PPTC7: variants seen among roughly 807,000 people sequenced by gnomAD.
The protein encoded by PPTC7 is protein phosphatase targeting COQ7, also known as protein phosphatase PTC7 homolog.
In PPTC7, 6 loss-of-function variants were observed where a neutral mutation model predicts 30.8. The observed-to-expected ratio is 0.19, with a 90% CI of 0.11 to 0.38. PPTC7 has a LOEUF of 0.38. Ranked by LOEUF, PPTC7 falls within the 10% of genes least tolerant of loss-of-function variation. The pLI is 1.00. For synonymous variants in PPTC7, 163 were observed against 168.1 expected, an observed-to-expected ratio of 0.97 and a Z score of 0.23; for missense variants, 218 against 404.8, an observed-to-expected ratio of 0.54 and a Z score of 3.96.
chr12:110,558,852 C>T (rs933809275), intron 1 of PPTC7, among the ~76,000 whole-genome samples: 36 of 152,166 alleles, frequency 2.4e-4, no homozygotes, highest in Non-Finnish European at 1.2e-4. Flanking sequence ...ATGATCCGCC[C>T]GCCTCGGCCT....
chr12:110,562,286 C>CAAAAAAAAAAAAAAA (rs11319526), intron 1 of PPTC7, among the ~76,000 whole-genome samples: 1 of 34,724 alleles, frequency 2.9e-5, no homozygotes, highest in African/African-American at 1.3e-4. Context: ...GACTCCATCT[C>CAAAAAAAAAAAAAAA]AAAAAAAAAA....
Position 110,552,015 on chromosome 12 carries a change from T to C in PPTC7, c.224-47A>G, listed in dbSNP as rs761650857. The C allele has an allele frequency of 2.7e-6, 4 of 1,489,190 alleles. No homozygotes were observed. The South Asian group carries it at 4.7e-5, about 18-fold the overall frequency. 92.2% of individuals were successfully genotyped at this position (1,489,190 alleles called of 1,614,324 possible). A position where few individuals can be genotyped will look rare whatever the true frequency, so the allele number is the denominator to read the frequency against. On this transcript the variant is annotated intron_variant, in intron 1 of 5. Transcript: ENST00000354300. Reference sequence around the variant, plus strand: ...CAGTAAAAGAACAATCTTACCAACTTCTCAGGAATTCTTACCTCTGTTTTC... The same window carrying C: ...CAGTAAAAGAACAATCTTACCAACTCCTCAGGAATTCTTACCTCTGTTTTC...
chr12:110,545,641 G>T (rs2064300096), intron 3 of PPTC7, among the ~76,000 whole-genome samples: 1 of 152,228 alleles, frequency 6.6e-6, no homozygotes, highest in African/African-American at 2.4e-5. Flanking sequence ...CTGTAAGCCT[G>T]AAATAGTATT....
At chr12:110,541,480 G>GGC (rs1400208300) in intron 3 of PPTC7, among the ~76,000 whole-genome samples, 1 of 151,308 alleles carries the variant, frequency 6.6e-6, no homozygotes, top group Non-Finnish European at 1.5e-5. Context: ...GGCCAAGGCG[G>GGC]GCGGATCACC....
chr12:110,568,731 T>C (rs948075178), intron 1 of PPTC7, among the ~76,000 whole-genome samples: 10 of 152,140 alleles, frequency 6.6e-5, no homozygotes, highest in African/African-American at 9.7e-5. Flanking sequence ...AACACCAATA[T>C]CTGGTATACA....
Position 110,545,764 on chromosome 12 carries a change from A to G in PPTC7, c.602+116T>C, listed in dbSNP as rs923498644. 7.7e-5 allele frequency: 69 copies of G among 897,868 alleles called. 1 individual carries two copies. In the African/African-American group the frequency reaches 9.7e-4, roughly 13 times the overall value. 55.6% of individuals were successfully genotyped at this position (897,868 alleles called of 1,614,324 possible). A position where few individuals can be genotyped will look rare whatever the true frequency, so the allele number is the denominator to read the frequency against. ...ACTAAAAGGTCCTCTTGATGAGAACATTCTCAGTGTATTCTTTTCATGGAA... is the reference window on the plus strand; with the variant it reads ...ACTAAAAGGTCCTCTTGATGAGAACGTTCTCAGTGTATTCTTTTCATGGAA... On this transcript the variant is annotated intron_variant, in intron 3 of 5. Coordinates refer to ENST00000354300, the MANE Select transcript of PPTC7 (RefSeq NM_139283.2).
chr12:110,574,141 TAAAAA>T (rs58133391), intron 1 of PPTC7, among the ~76,000 whole-genome samples: 51 of 37,446 alleles, frequency 1.4e-3, no homozygotes, highest in African/African-American at 4.2e-3. Context: ...CCACAATAAT[TAAAAA>T]AAAAAAAAAA....
At chr12:110,544,731 G>T (rs1164120012) in intron 3 of PPTC7, among the ~76,000 whole-genome samples, 3 of 152,134 alleles carry the variant, frequency 2.0e-5, no homozygotes, top group African/African-American at 7.2e-5. Flanking sequence ...CTACTTGGGA[G>T]GCTGAGGCAG....
At chr12:110,547,253 T>TA (rs1322784438) in intron 2 of PPTC7, among the ~76,000 whole-genome samples, 1 of 152,212 alleles carries the variant, frequency 6.6e-6, no homozygotes, top group Non-Finnish European at 1.5e-5. Flanking sequence ...CATCACGTAA[T>TA]ACTCAGGAGT....
chr12:110,547,715 C>T (rs908958135), intron 2 of PPTC7, among the ~76,000 whole-genome samples: 4 of 152,114 alleles, frequency 2.6e-5, no homozygotes, highest in African/African-American at 9.7e-5. Context: ...AAATGGGCCA[C>T]GGAACCAGCC....
rs753871106 is a variant in PPTC7, at chr12:110,560,389, G to A, written c.224-8421C>T. ...TGCACTTCAGCCTGAGCGACAGAGC[G>A]AGACCCTGTCTCAAAAAATAAAAAA... is the stretch of plus-strand genomic sequence containing the variant. On this transcript the variant is annotated intron_variant, in intron 1 of 5. Coordinates refer to ENST00000354300, the MANE Select transcript of PPTC7 (RefSeq NM_139283.2). 5.3e-4 allele frequency among the ~76,000 whole-genome samples: 79 copies of A among 150,246 alleles called. 1 individual carries two copies. The highest frequency in any genetic ancestry group is 9.3e-4 in the Non-Finnish European group (63 of 67,828).
intron 1 of PPTC7, among the ~76,000 whole-genome samples, chr12:110,564,814 T>C (rs1201951872): frequency 8.5e-6 from 1 of 116,986 alleles, no homozygotes; most frequent in Non-Finnish European, 1.8e-5. Flanking sequence ...CGTATATGTA[T>C]ATGTGTATAT....
In PPTC7 at chr12:110,542,715, G is replaced by T. The variant is rs942817610; in HGVS notation, c.603-2770C>A. ...AAAAAAAAAAGAAAAAGAAACTAAA[G>T]AAACTGCTCATAAAGAAACCTTTGA... On this transcript the variant is annotated intron_variant, in intron 3 of 5. Coordinates refer to ENST00000354300, the MANE Select transcript of PPTC7 (RefSeq NM_139283.2). Among the ~76,000 whole-genome samples, 602 of 105,658 alleles carry T rather than the reference G, an allele frequency of 5.7e-3. 3 individuals carry two copies. Among genetic ancestry groups the T allele is most frequent in the African/African-American group, 0.019 (583 of 29,998 alleles). 69.3% of individuals were successfully genotyped at this position (105,658 alleles called of 152,430 possible).
intron 1 of PPTC7, among the ~76,000 whole-genome samples, chr12:110,560,865 C>T (rs1022259202): frequency 2.0e-5 from 3 of 152,200 alleles, no homozygotes; most frequent in Admixed American, 6.5e-5. Context: ...CATCAAGCCT[C>T]GCATTCCAAA....
At chr12:110,566,705 C>T (rs1415991124) in intron 1 of PPTC7, among the ~76,000 whole-genome samples, 1 of 152,156 alleles carries the variant, frequency 6.6e-6, no homozygotes, top group Non-Finnish European at 1.5e-5. Flanking sequence ...GCCAGCTCTA[C>T]AAACACTAGT....
intron 3 of PPTC7, among the ~76,000 whole-genome samples, chr12:110,540,779 C>CT (rs781591348): frequency 0.12 from 17,296 of 142,072 alleles, 1,157 homozygotes; most frequent in African/African-American, 0.19. Flanking sequence ...ACATGCCAAT[C>CT]TTTTTTTTTT....
chr12:110,549,803 T>A (rs930300791), intron 2 of PPTC7, among the ~76,000 whole-genome samples: 6 of 152,106 alleles, frequency 3.9e-5, no homozygotes, highest in Non-Finnish European at 7.3e-5. Flanking sequence ...AAGTAAATGA[T>A]CGGGGGTCAG....
rs147990237 is a variant in PPTC7, at chr12:110,536,853, G to A, written c.*184C>T. ...CTTCAATTGCTGCCGGCAGATATGA[G>A]CTAGTGAATGATAGTAGTGGTTCTC... On this transcript the variant is annotated 3_prime_UTR_variant, in exon 6 of 6. Transcript: ENST00000354300. The A allele has an allele frequency of 7.8e-3, 4,343 of 558,356 alleles. 19 individuals carry two copies. Among genetic ancestry groups the A allele is most frequent in the Non-Finnish European group, 9.1e-3 (2,867 of 313,382 alleles). 34.6% of individuals were successfully genotyped at this position (558,356 alleles called of 1,614,324 possible).
intron 5 of PPTC7, among the ~76,000 whole-genome samples, chr12:110,537,628 C>T (rs1373251950): frequency 1.3e-5 from 2 of 152,188 alleles, no homozygotes; most frequent in African/African-American, 4.8e-5. Context: ...AGCCCTGAGA[C>T]GGAGCCACTG....
Sources: allele counts gnomAD v4.1 joint callset (sites outside exome capture counted in the v4.1 genomes callset), GRCh38; gene constraint gnomAD v4.1.1; transcripts MANE v1.5; gene names NCBI Gene and HGNC (gene_info 2026-07-23, HGNC 2026-07-21).